Variants in B4GALT5 observed in about 807,000 individuals in gnomAD.
B4GALT5 encodes the protein beta-1,4-galactosyltransferase 5.
In B4GALT5, 11 loss-of-function variants were observed where a neutral mutation model predicts 45.0. That is an observed-to-expected ratio of 0.24 (90% confidence interval 0.15 to 0.40). The LOEUF (loss-of-function observed/expected upper bound fraction) is 0.40. B4GALT5 is among the 10% of genes least tolerant of loss of function. The pLI, the probability that B4GALT5 is intolerant of heterozygous loss-of-function variation, is 1.00. For synonymous variants in B4GALT5, 185 were observed against 182.9 expected, an observed-to-expected ratio of 1.01 and a Z score of -0.09; for missense variants, 337 against 500.2, an observed-to-expected ratio of 0.67 and a Z score of 3.11.
In B4GALT5 at chr20:49,666,969, C is replaced by A. The variant is rs560996533; in HGVS notation, c.116-10267G>T. ...GAGTCCTTATGTGCCAGCACCTTTC[C>A]AAATGCCTGTGTTTTATCTCATTTC... On this transcript the variant is annotated intron_variant, in intron 1 of 8. Coordinates refer to ENST00000371711, the MANE Select transcript of B4GALT5 (RefSeq NM_004776.4). 3.3e-5 allele frequency among the ~76,000 whole-genome samples: 5 copies of A among 152,290 alleles called. No homozygotes were observed. In the South Asian group the frequency reaches 1.0e-3, roughly 32 times the overall value.
chr20:49,659,310 C>T (rs923711750), intron 1 of B4GALT5, among the ~76,000 whole-genome samples: 2 of 152,226 alleles, frequency 1.3e-5, no homozygotes, highest in Non-Finnish European at 2.9e-5. Flanking sequence ...AGCAAGGAGT[C>T]TATTCTTTCT....
chr20:49,656,466 T>A (rs2085643357), intron 2 of B4GALT5, 102 bp downstream of exon 2: 9 of 1,469,876 alleles, frequency 6.1e-6, no homozygotes, highest in Non-Finnish European at 8.4e-6. Context: ...CAAATCCCTC[T>A]TTTACAATGC....
At chr20:49,709,420 C>T (rs538047713) in intron 1 of B4GALT5, among the ~76,000 whole-genome samples, 7 of 152,184 alleles carry the variant, frequency 4.6e-5, no homozygotes, top group African/African-American at 1.7e-4. Flanking sequence ...ACTTTCTGTC[C>T]CAACCTTCTC....
intron 2 of B4GALT5, among the ~76,000 whole-genome samples, chr20:49,648,475 C>T (rs184381061): frequency 1.6e-4 from 24 of 152,276 alleles, no homozygotes; most frequent in South Asian, 4.1e-4. Context: ...GCTCCTACTT[C>T]CCATATTGCT....
Position 49,634,011 on chromosome 20 carries a change from T to C in B4GALT5, c.*2301A>G, listed in dbSNP as rs1793057833. 6.6e-6 allele frequency: 1 copy of C among 152,656 alleles called. No homozygotes were observed. The highest frequency in any genetic ancestry group is 6.5e-5 in the Admixed American group (1 of 15,278). 9.5% of individuals were successfully genotyped at this position (152,656 alleles called of 1,614,324 possible). A position where few individuals can be genotyped will look rare whatever the true frequency, so the allele number is the denominator to read the frequency against. On this transcript the variant is annotated 3_prime_UTR_variant, in exon 9 of 9. Transcript: ENST00000371711. The stretch of plus-strand genomic sequence containing the variant: ...AACAAAGGAAAACCAAATGAACTTC[T>C]GTGTGTAATGTTCACTTGTGAAGGT...
chr20:49,697,223 C>G (rs1180249943), intron 1 of B4GALT5, among the ~76,000 whole-genome samples: 1 of 152,246 alleles, frequency 6.6e-6, no homozygotes, highest in East Asian at 1.9e-4. Context: ...GACACAGGTG[C>G]TACACACCCA....
chr20:49,656,762 T>C (rs4810968), intron 1 of B4GALT5, 60 bp from the exon 2 acceptor site: 1,597,983 of 1,610,768 alleles, frequency 0.99, 792,683 homozygotes, highest in East Asian at 1. Flanking sequence ...TAAAAAAACA[T>C]ACCACATAGC....
At chr20:49,639,074 A>G (rs752207557) in intron 7 of B4GALT5, among the ~76,000 whole-genome samples, 5 of 152,226 alleles carry the variant, frequency 3.3e-5, no homozygotes, top group Non-Finnish European at 5.9e-5. Context: ...CAGAGATTTT[A>G]AATTACTGTT....
At chr20:49,647,468 G>C (rs951644078) in intron 2 of B4GALT5, among the ~76,000 whole-genome samples, 5 of 152,066 alleles carry the variant, frequency 3.3e-5, no homozygotes, top group Non-Finnish European at 7.4e-5. Flanking sequence ...CTCTACGGCT[G>C]GTCGTGATGT....
chr20:49,677,689 T>TC (rs1345251504), intron 1 of B4GALT5, among the ~76,000 whole-genome samples: 4 of 152,178 alleles, frequency 2.6e-5, no homozygotes, highest in Non-Finnish European at 4.4e-5. Flanking sequence ...AGGATCGTAC[T>TC]CCCCCAAAAT....
chr20:49,683,907 G>A lies in B4GALT5; in HGVS notation c.116-27205C>T, dbSNP rs542442311. Reference sequence around the variant, plus strand: ...TGTAATCCCAGCACTTTGGGAGGCCGAGGTGGGTGGATCACTTGAGGTCAG... The same window carrying A: ...TGTAATCCCAGCACTTTGGGAGGCCAAGGTGGGTGGATCACTTGAGGTCAG... On this transcript the variant is annotated intron_variant, in intron 1 of 8. Transcript: ENST00000371711. 2.6e-5 allele frequency among the ~76,000 whole-genome samples: 4 copies of A among 151,960 alleles called. No individual in the cohort carries two copies. The East Asian group carries it at 7.8e-4, about 30-fold the overall frequency.
chr20:49,671,996 C>T (rs34681067), intron 1 of B4GALT5, among the ~76,000 whole-genome samples: 4,760 of 152,154 alleles, frequency 0.031, 107 homozygotes, highest in Non-Finnish European at 0.051. Context: ...GTTATTCTAC[C>T]CCCAAATTAT....
intron 1 of B4GALT5, 68 bp from the exon 2 acceptor site, chr20:49,656,770 A>T: frequency 6.3e-7 from 1 of 1,582,874 alleles, no homozygotes; most frequent in Middle Eastern, 1.7e-4. Flanking sequence ...CATACCACAT[A>T]GCTATGGATT....
intron 3 of B4GALT5, 37 bp downstream of exon 3, chr20:49,646,928 T>C: frequency 2.9e-6 from 4 of 1,379,056 alleles, no homozygotes; most frequent in Non-Finnish European, 4.1e-6. Context: ...TTTATCCATT[T>C]TAAAAGCAGA....
At position 49,636,389 on chromosome 20, in the gene B4GALT5, T is replaced by C. The variant is rs1345977359; in HGVS notation, c.1090A>G (p.Asn364Asp). The C allele has an allele frequency of 6.2e-7, 1 of 1,614,168 alleles. No homozygotes were observed. Among genetic ancestry groups the C allele is most frequent in the Non-Finnish European group, 8.5e-7 (1 of 1,180,030 alleles). ...DGLNNLNYFA[N>D]ITYDALYKNI... ...TTATACAAGGCGTCGTATGTGATGT[T>C]TGCAAAGTAGTTCAGGTTGTTGAGG... Residue 364 changes from asparagine to aspartate, a missense_variant, in exon 9 of 9, where the codon AAC (asparagine) becomes GAC (aspartate). Coordinates refer to ENST00000371711, the MANE Select transcript of B4GALT5 (RefSeq NM_004776.4).
At chr20:49,709,043 T>C (rs546840406) in intron 1 of B4GALT5, among the ~76,000 whole-genome samples, 3 of 152,304 alleles carry the variant, frequency 2.0e-5, no homozygotes, top group Non-Finnish European at 2.9e-5. Flanking sequence ...CAGTAACCTC[T>C]ACACAACCTT....
intron 1 of B4GALT5, among the ~76,000 whole-genome samples, chr20:49,671,257 T>C (rs1476950894): frequency 6.6e-6 from 1 of 152,150 alleles, no homozygotes; most frequent in African/African-American, 2.4e-5. Flanking sequence ...TGCATGCCTG[T>C]AACCCCAGCT....
At chr20:49,638,080 G>T (rs1370731229) in intron 7 of B4GALT5, among the ~76,000 whole-genome samples, 1 of 151,834 alleles carries the variant, frequency 6.6e-6, no homozygotes, top group Admixed American at 6.6e-5. Context: ...GTACAGTGAG[G>T]TGATCATGGT....
At chr20:49,652,682 A>C (rs2085627278) in intron 2 of B4GALT5, among the ~76,000 whole-genome samples, 1 of 152,146 alleles carries the variant, frequency 6.6e-6, no homozygotes, top group African/African-American at 2.4e-5. Flanking sequence ...CTTCAGGTTT[A>C]TTTCCAGGTT....
Sources: allele counts gnomAD v4.1 joint callset (sites outside exome capture counted in the v4.1 genomes callset), GRCh38; gene constraint gnomAD v4.1.1; transcripts MANE v1.5; gene names NCBI Gene and HGNC (gene_info 2026-07-23, HGNC 2026-07-21).